BTNL8: variants seen among roughly 807,000 people sequenced by gnomAD.
BTNL8 encodes the protein butyrophilin like 8.
BTNL8 carries 22 observed loss-of-function variants against 36.1 expected under a neutral mutation model. That is an observed-to-expected ratio of 0.61 (90% CI 0.44 to 0.87). The LOEUF is 0.87. Ranked by LOEUF, BTNL8 falls within the 40% of genes least tolerant of loss-of-function variation. The pLI is 0.00. For synonymous variants in BTNL8, 203 were observed against 235.6 expected, an observed-to-expected ratio of 0.86 and a Z score of 1.27; for missense variants, 526 against 616.9, an observed-to-expected ratio of 0.85 and a Z score of 1.56.
At chr5:180,945,641 A>G (rs1007412616) in intron 3 of BTNL8, 3 of 251,816 alleles carry the variant, frequency 1.2e-5, no homozygotes, top group African/African-American at 6.6e-5. Context: ...TGATCTTAAA[A>G]AAGGGGAAAG....
intron 3 of BTNL8, among the ~76,000 whole-genome samples, chr5:180,946,865 C>T (rs1175249412): frequency 6.6e-6 from 1 of 152,028 alleles, no homozygotes; most frequent in Non-Finnish European, 1.5e-5. Flanking sequence ...TCACACCGTA[C>T]CCATTAATAT....
intron 3 of BTNL8, among the ~76,000 whole-genome samples, chr5:180,913,730 C>G (rs558344172): frequency 6.6e-6 from 1 of 152,146 alleles, no homozygotes; most frequent in Admixed American, 6.5e-5. Flanking sequence ...TGTTAGGAGC[C>G]TTTGCCAGGC....
intron 3 of BTNL8, among the ~76,000 whole-genome samples, chr5:180,911,895 G>A (rs1315591296): frequency 1.3e-5 from 2 of 152,122 alleles, no homozygotes; most frequent in African/African-American, 2.4e-5. Flanking sequence ...ACTGGGTCAC[G>A]ATTTGCTCAG....
intron 3 of BTNL8, among the ~76,000 whole-genome samples, chr5:180,924,466 C>T (rs1453212270): frequency 6.6e-6 from 1 of 152,204 alleles, no homozygotes; most frequent in Non-Finnish European, 1.5e-5. Context: ...AAGACAACCT[C>T]TAACCCTGGA....
At chr5:180,916,012 T>C (rs1325326539) in intron 3 of BTNL8, among the ~76,000 whole-genome samples, 1 of 152,222 alleles carries the variant, frequency 6.6e-6, no homozygotes, top group Non-Finnish European at 1.5e-5. Flanking sequence ...CAGAGGTTTA[T>C]TTGGCTCATG....
intron 3 of BTNL8, among the ~76,000 whole-genome samples, chr5:180,913,777 G>T (rs1757507340): frequency 6.6e-6 from 1 of 152,200 alleles, no homozygotes; most frequent in African/African-American, 2.4e-5. Flanking sequence ...CCTCAGGATT[G>T]AGAAGCAGAG....
intron 3 of BTNL8, among the ~76,000 whole-genome samples, chr5:180,922,972 T>C (rs540694781): frequency 1.3e-5 from 2 of 152,310 alleles, no homozygotes; most frequent in Admixed American, 6.5e-5. Flanking sequence ...TTATTGTTGG[T>C]TTAAAGTCTG....
chr5:180,907,965 T>C (rs557915801), intron 1 of BTNL8, among the ~76,000 whole-genome samples: 3 of 152,278 alleles, frequency 2.0e-5, no homozygotes, highest in Admixed American at 2.0e-4. Context: ...GTTACTGCTG[T>C]CTTTTTGTGT....
chr5:180,937,852 C>T (rs933943671), intron 3 of BTNL8, among the ~76,000 whole-genome samples: 3 of 151,658 alleles, frequency 2.0e-5, no homozygotes. Flanking sequence ...CTTAGTGAGA[C>T]ACAAGAGACT....
intron 2 of BTNL8, chr5:180,909,675 C>T (rs1302334558): frequency 4.1e-6 from 3 of 728,758 alleles, no homozygotes; most frequent in East Asian, 1.3e-4. Flanking sequence ...AGTCCAGGAG[C>T]TCGAGACCAG....
chr5:180,923,415 A>G (rs1757958259), intron 3 of BTNL8, among the ~76,000 whole-genome samples: 1 of 152,172 alleles, frequency 6.6e-6, no homozygotes, highest in Admixed American at 6.5e-5. Flanking sequence ...GATGTTAATA[A>G]AACATATATA....
intron 2 of BTNL8, among the ~76,000 whole-genome samples, chr5:180,909,409 A>G (rs1353692627): frequency 6.6e-6 from 1 of 152,072 alleles, no homozygotes; most frequent in Non-Finnish European, 1.5e-5. Flanking sequence ...ATGAACATTT[A>G]TTTTTAAATT....
At chr5:180,940,247 G>A (rs574439891) in intron 3 of BTNL8, among the ~76,000 whole-genome samples, 1 of 151,976 alleles carries the variant, frequency 6.6e-6, no homozygotes, top group Admixed American at 6.6e-5. Context: ...GCTGAGGCAG[G>A]AGAATCTCTT....
chr5:180,948,505 G>A, intron 5 of BTNL8, 130 bp downstream of exon 5: 4 of 1,607,748 alleles, frequency 2.5e-6, no homozygotes, highest in Non-Finnish European at 2.5e-6. Context: ...GAGGAGAGCA[G>A]CTGCTCGCTC....
At chr5:180,931,503 A>G (rs954294951) in intron 3 of BTNL8, among the ~76,000 whole-genome samples, 1 of 152,220 alleles carries the variant, frequency 6.6e-6, no homozygotes, top group Admixed American at 6.5e-5. Context: ...AAAAGAAACT[A>G]TCATCAGAGT....
intron 3 of BTNL8, among the ~76,000 whole-genome samples, chr5:180,927,317 A>T (rs1397382379): frequency 1.3e-5 from 2 of 152,218 alleles, no homozygotes; most frequent in African/African-American, 2.4e-5. Context: ...CAGAAACCCC[A>T]TTCGAAGGTC....
At chr5:180,908,228 A>C (rs1561928068) in intron 1 of BTNL8, among the ~76,000 whole-genome samples, 1 of 152,180 alleles carries the variant, frequency 6.6e-6, no homozygotes, top group African/African-American at 2.4e-5. Context: ...CCGTTTCTTA[A>C]GCCCATCGGA....
At chr5:180,909,433 T>C in intron 2 of BTNL8, 1 of 455,872 alleles carries the variant, frequency 2.2e-6, no homozygotes, top group Non-Finnish European at 2.9e-6. Flanking sequence ...AAATAAAGAT[T>C]CCTGCTCACT....
intron 1 of BTNL8, among the ~76,000 whole-genome samples, chr5:180,900,665 G>A (rs992928623): frequency 6.6e-6 from 1 of 152,164 alleles, no homozygotes; most frequent in Non-Finnish European, 1.5e-5. Context: ...CTAAGACAAG[G>A]GCCTTCCTGC....
Sources: allele counts gnomAD v4.1 joint callset (sites outside exome capture counted in the v4.1 genomes callset), GRCh38; gene constraint gnomAD v4.1.1; transcripts MANE v1.5; gene names NCBI Gene and HGNC (gene_info 2026-07-23, HGNC 2026-07-21).